CD74: variants seen among roughly 807,000 people sequenced by gnomAD.
The protein encoded by CD74 is HLA class II histocompatibility antigen gamma chain.
A neutral mutation model predicts 37.1 loss-of-function variants in CD74; 20 were observed. That is an observed-to-expected ratio of 0.54 (90% CI 0.38 to 0.78). The LOEUF (loss-of-function observed/expected upper bound fraction) is 0.78. Among genes scored for constraint, CD74 ranks in the 30% least tolerant of loss-of-function variants. The pLI is 0.00. For missense variants in CD74, 338 were observed against 389.5 expected (o/e 0.87, Z 1.11); for synonymous variants, 150 against 152.0 (o/e 0.99, Z 0.10).
At chr5:150,409,713 A>C (rs1441193891) in intron 1 of CD74, among the ~76,000 whole-genome samples, 1 of 150,430 alleles carries the variant, frequency 6.6e-6, no homozygotes, top group Non-Finnish European at 1.5e-5. Context: ...ACAAAAAAAA[A>C]AAAAAAAAAC....
chr5:150,409,383 C>G (rs181156691), intron 1 of CD74, among the ~76,000 whole-genome samples: 1 of 151,874 alleles, frequency 6.6e-6, no homozygotes, highest in Admixed American at 6.6e-5. Context: ...AAAAATTAGC[C>G]GGACGTGGTG....
At position 150,401,784 on chromosome 5, in the gene CD74, G is replaced by C; in HGVS notation, c.*456C>G. On this transcript the variant is annotated 3_prime_UTR_variant, in exon 9 of 9. Coordinates refer to ENST00000009530, the MANE Select transcript of CD74 (RefSeq NM_001025159.3). ...TCCTTGGGGAGTGATGCTGGGGAAA[G>C]GGAAGAGAGTGGCTCAGCCTGCAGG... is the stretch of plus-strand genomic sequence containing the variant. The C allele has an allele frequency of 1.6e-6, 1 of 608,806 alleles. No homozygotes were observed. The highest frequency in any genetic ancestry group is 1.9e-5 in the South Asian group (1 of 51,308). 37.7% of individuals were successfully genotyped at this position (608,806 alleles called of 1,614,324 possible). A position where few individuals can be genotyped will look rare whatever the true frequency, so the allele number is the denominator to read the frequency against.
chr5:150,406,208 C>G, intron 4 of CD74, 51 bp downstream of exon 4: 1 of 1,462,604 alleles, frequency 6.8e-7, no homozygotes, highest in Non-Finnish European at 9.6e-7. Context: ...TTGGCCCGGC[C>G]AGGGTCCTGG....
At chr5:150,406,343 G>A in intron 3 of CD74, 22 bp from the exon 4 acceptor site, 1 of 1,603,734 alleles carries the variant, frequency 6.2e-7, no homozygotes, top group Non-Finnish European at 8.5e-7. Context: ...AGTAACAGAA[G>A]GTTACCAGAG....
In CD74 at chr5:150,403,709, AT is replaced by A. The variant is rs1769779983; in HGVS notation, c.626-398del. 6.6e-6 allele frequency among the ~76,000 whole-genome samples: 1 copy of A among 152,118 alleles called. No individual in the cohort carries two copies. The highest frequency in any genetic ancestry group is 2.4e-5 in the African/African-American group (1 of 41,434). On this transcript the variant is annotated intron_variant, in intron 6 of 8. Transcript: ENST00000009530. The surrounding 1 kb of genome is among the most constrained non-coding windows in gnomAD (Gnocchi z 4.5). ...CCCTGTCTCTACTAAAAATACAAAAATTAGCTGGGCGTGGTGGCACATGCCT... is the reference window on the plus strand; with the variant it reads ...CCCTGTCTCTACTAAAAATACAAAAATAGCTGGGCGTGGTGGCACATGCCT...
In CD74 at chr5:150,403,424, A is replaced by T; in HGVS notation, c.626-112T>A. ...CTGTGGGCTTAATGCCTTCTTCCCA[A>T]GTGGCTTTACTCACTCCAGCCATCA... On this transcript the variant is annotated intron_variant, in intron 6 of 8. Transcript: ENST00000009530. This position sits in a 1 kb window ranked among gnomAD's most constrained non-coding sequence, Gnocchi z 4.5. The T allele has an allele frequency of 1.0e-6, 1 of 972,138 alleles. No individual in the cohort carries two copies. The highest frequency in any genetic ancestry group is 1.6e-6 in the Non-Finnish European group (1 of 621,416). The allele number at this position is 972,138 out of a possible 1,614,324, so 60.2% of individuals were successfully genotyped here. A position where few individuals can be genotyped will look rare whatever the true frequency, so the allele number is the denominator to read the frequency against.
Position 150,403,719 on chromosome 5 carries a change from C to T in CD74, c.626-407G>A, listed in dbSNP as rs190466416. ...ACTAAAAATACAAAAATTAGCTGGGCGTGGTGGCACATGCCTATAATCCCA... is the reference window on the plus strand; with the variant it reads ...ACTAAAAATACAAAAATTAGCTGGGTGTGGTGGCACATGCCTATAATCCCA... On this transcript the variant is annotated intron_variant, in intron 6 of 8. Coordinates refer to ENST00000009530, the MANE Select transcript of CD74 (RefSeq NM_001025159.3). The surrounding 1 kb of genome is among the most constrained non-coding windows in gnomAD (Gnocchi z 4.5). Among the ~76,000 whole-genome samples the T allele has an allele frequency of 6.6e-6, 1 of 152,246 alleles. No individual in the cohort carries two copies. The highest frequency in any genetic ancestry group is 6.5e-5 in the Admixed American group (1 of 15,300).
chr5:150,412,549 C>G, intron 1 of CD74, 76 bp downstream of exon 1: 1 of 1,095,640 alleles, frequency 9.1e-7, no homozygotes. Flanking sequence ...GACTCCTGGC[C>G]GGTGCTTCTT....
intron 1 of CD74, among the ~76,000 whole-genome samples, chr5:150,410,895 C>A (rs1030578197): frequency 6.6e-6 from 1 of 152,144 alleles, no homozygotes; most frequent in Admixed American, 6.5e-5. Flanking sequence ...GAACACTGAG[C>A]CCACCTGGGT....
At position 150,402,985 on chromosome 5, in the gene CD74, C is replaced by T. The variant is rs1047306432; in HGVS notation, c.817+136G>A. Reference sequence around the variant, plus strand: ...GTGGGTGGATGGATAAAGGGCTGGACGCATGACTACGTCACTGCCCCCAGG... The same window carrying T: ...GTGGGTGGATGGATAAAGGGCTGGATGCATGACTACGTCACTGCCCCCAGG... On this transcript the variant is annotated intron_variant, in intron 7 of 8. Coordinates refer to ENST00000009530, the MANE Select transcript of CD74 (RefSeq NM_001025159.3). The surrounding 1 kb of genome is among the most constrained non-coding windows in gnomAD (Gnocchi z 4.2). 1.2e-5 allele frequency: 8 copies of T among 675,088 alleles called. No homozygotes were observed. Among genetic ancestry groups the T allele is most frequent in the Admixed American group, 2.6e-5 (1 of 38,878 alleles). 41.8% of individuals were successfully genotyped at this position (675,088 alleles called of 1,614,324 possible). A position where few individuals can be genotyped will look rare whatever the true frequency, so the allele number is the denominator to read the frequency against.
intron 4 of CD74, 26 bp from the exon 5 acceptor site, chr5:150,405,206 T>C: frequency 6.4e-7 from 1 of 1,563,398 alleles, no homozygotes; most frequent in Non-Finnish European, 8.6e-7. Flanking sequence ...GCAGGAAGGA[T>C]GGTTCAAGAA....
intron 1 of CD74, among the ~76,000 whole-genome samples, chr5:150,410,679 T>TAAAAAAA (rs753661401): frequency 1.8e-5 from 2 of 110,408 alleles, no homozygotes; most frequent in African/African-American, 3.3e-5. Context: ...CTTCTGCAAT[T>TAAAAAAA]AAAAAAAAAA....
Position 150,404,729 on chromosome 5 carries a change from T to C in CD74, c.576A>G (p.Glu192=). The C allele has an allele frequency of 6.3e-7, 1 of 1,588,606 alleles. No homozygotes were observed. Among genetic ancestry groups the C allele is most frequent in the South Asian group, 1.2e-5 (1 of 86,874 alleles). Residue 192 remains glutamate, a synonymous_variant, in exon 6 of 9, where the codon GAA becomes GAG. Coordinates refer to ENST00000009530, the MANE Select transcript of CD74 (RefSeq NM_001025159.3). ...TTTGCTCCAAGGAGTGCCTGCTCAT[T>C]TCAAACAGGAGCCAATGGTGCATCC... ...ESWMHHWLLF[E]MSRHSLEQKP...
intron 1 of CD74, among the ~76,000 whole-genome samples, chr5:150,411,767 C>T (rs967676494): frequency 3.9e-5 from 6 of 152,160 alleles, no homozygotes; most frequent in Non-Finnish European, 7.3e-5. Context: ...TTCTTGCCTG[C>T]CCCCAACATC....
At chr5:150,406,149 G>A in intron 4 of CD74, 110 bp downstream of exon 4, 2 of 798,336 alleles carry the variant, frequency 2.5e-6, no homozygotes, top group Non-Finnish European at 4.5e-6. Flanking sequence ...GTAATCCAGA[G>A]AGCACATGTT....
chr5:150,404,773 A>T lies in CD74; in HGVS notation c.538-6T>A. On this transcript the variant is annotated splice_polypyrimidine_tract_variant and splice_region_variant and intron_variant, in intron 5 of 8. Coordinates refer to ENST00000009530, the MANE Select transcript of CD74 (RefSeq NM_001025159.3). ...TGCATCCAGCTCTCAAAGACCTAAT[A>T]CGGATAGAGGTGGAGGTCAGGTTCG... 18 of 1,557,198 alleles carry T rather than the reference A, an allele frequency of 1.2e-5. No homozygotes were observed. The highest frequency in any genetic ancestry group is 1.6e-5 in the Non-Finnish European group (18 of 1,145,652).
Position 150,408,982 on chromosome 5 carries a change from G to C in CD74, c.126-1658C>G, listed in dbSNP as rs552170976. 4.6e-5 allele frequency among the ~76,000 whole-genome samples: 7 copies of C among 152,206 alleles called. No individual in the cohort carries two copies. The South Asian group carries it at 1.5e-3, about 32-fold the overall frequency. On this transcript the variant is annotated intron_variant, in intron 1 of 8. Coordinates refer to ENST00000009530, the MANE Select transcript of CD74 (RefSeq NM_001025159.3). ...CGCCTGTAATCCCAGCACTTTGGGA[G>C]GCCAAGGCAGGTGGATCACTTGAGG...
rs1247359796 is a variant in CD74, at chr5:150,403,274, C to G, written c.664G>C (p.Ala222Pro). The G allele has an allele frequency of 6.2e-7, 1 of 1,613,882 alleles. No homozygotes were observed. The highest frequency in any genetic ancestry group is 1.7e-5 in the Admixed American group (1 of 60,004). ...GGCCTGAATGAACCCGGGTGGACAG[C>G]AGGGATGTGGCTGACCTCTTCCTGG... ...KCQEEVSHIP[A>P]VHPGSFRPKC... Residue 222 changes from alanine to proline, a missense_variant, in exon 7 of 9, where the codon GCT becomes CCT. Ala to Pro is a conservative substitution (Grantham distance 27, BLOSUM62 -1). Coordinates refer to ENST00000009530, the MANE Select transcript of CD74 (RefSeq NM_001025159.3). The surrounding 1 kb of genome is among the most constrained non-coding windows in gnomAD (Gnocchi z 4.5).
chr5:150,401,737 A>T lies in CD74; in HGVS notation c.*503T>A, dbSNP rs1405223496. The T allele has an allele frequency of 1.7e-6, 1 of 592,684 alleles. No homozygotes were observed. Among genetic ancestry groups the T allele is most frequent in the African/African-American group, 1.9e-5 (1 of 53,720 alleles). The allele number at this position is 592,684 out of a possible 1,614,324, so 36.7% of individuals were successfully genotyped here. Reference sequence around the variant, plus strand: ...GAACTAGGGGTCGGCAGAAAGGATTATGGGTGGAAAACATTGGCTCTTCCT... The same window carrying T: ...GAACTAGGGGTCGGCAGAAAGGATTTTGGGTGGAAAACATTGGCTCTTCCT... On this transcript the variant is annotated 3_prime_UTR_variant, in exon 9 of 9. Coordinates refer to ENST00000009530, the MANE Select transcript of CD74 (RefSeq NM_001025159.3).
Sources: gnomAD v4.1 joint callset for allele counts (sites outside exome capture counted in the v4.1 genomes callset) on GRCh38, gnomAD v4.1.1 for gene constraint, Gnocchi (gnomAD v3.1) non-coding constraint, MANE v1.5 for transcripts, NCBI Gene and HGNC (gene_info 2026-07-23, HGNC 2026-07-21) for gene names.